Variants in HIF1AN observed in about 807,000 individuals in gnomAD.
HIF1AN encodes hypoxia inducible factor 1 subunit alpha inhibitor, also known as hypoxia-inducible factor 1-alpha inhibitor.
A neutral mutation model predicts 47.7 loss-of-function variants in HIF1AN; 21 were observed. The observed-to-expected ratio is 0.44, with a 90% CI of 0.31 to 0.63. The LOEUF (loss-of-function observed/expected upper bound fraction) is 0.63, where lower values mean the gene tolerates loss of function less well. Ranked by LOEUF, HIF1AN falls within the 30% of genes least tolerant of loss-of-function variation. The pLI is 0.07. For synonymous variants in HIF1AN, 152 were observed against 155.9 expected, an observed-to-expected ratio of 0.98 and a Z score of 0.18; for missense variants, 320 against 432.7, an observed-to-expected ratio of 0.74 and a Z score of 2.31.
At chr10:100,536,246 T>G in intron 1 of HIF1AN, 111 bp downstream of exon 1, 1 of 1,292,480 alleles carries the variant, frequency 7.7e-7, no homozygotes, top group Non-Finnish European at 1.1e-6. Context: ...CTAGGGCCTA[T>G]GGGAAGATGG....
intron 5 of HIF1AN, 97 bp downstream of exon 5, chr10:100,546,146 G>A (rs909839011): frequency 3.0e-5 from 26 of 857,744 alleles, no homozygotes; most frequent in African/African-American, 2.2e-4. Flanking sequence ...GGCATGATTG[G>A]TTTTATGTGG....
chr10:100,542,502 C>T (rs1004649822), intron 3 of HIF1AN, among the ~76,000 whole-genome samples: 12 of 152,004 alleles, frequency 7.9e-5, no homozygotes, highest in African/African-American at 2.9e-4. Context: ...TACGGGCGCC[C>T]GCCACCACAC....
intron 2 of HIF1AN, among the ~76,000 whole-genome samples, chr10:100,539,221 C>T (rs1842992746): frequency 1.3e-5 from 2 of 152,136 alleles, no homozygotes; most frequent in Non-Finnish European, 2.9e-5. Flanking sequence ...CGTGAGACAC[C>T]GCACCTGGCC....
rs967582035 is a variant in HIF1AN, at chr10:100,548,729, AAG to A, written c.*597_*598del. The A allele has an allele frequency of 2.0e-5, 3 of 152,756 alleles. No individual in the cohort carries two copies. Among genetic ancestry groups the A allele is most frequent in the South Asian group, 2.1e-4 (1 of 4,832 alleles). 9.5% of individuals were successfully genotyped at this position (152,756 alleles called of 1,614,324 possible). Reference sequence around the variant, plus strand: ...GGCTACCGGGACTCTAATGGGGTGAAAGAGAGGGGAGGCTTGCCTTTGAGAGC... The same window carrying A: ...GGCTACCGGGACTCTAATGGGGTGAAAGAGGGGAGGCTTGCCTTTGAGAGC... On this transcript the variant is annotated 3_prime_UTR_variant, in exon 8 of 8. Transcript: ENST00000299163.
rs1843185063 is a variant in HIF1AN at position 100,553,446 on chromosome 10, C to T, written c.*5309C>T. On this transcript the variant is annotated 3_prime_UTR_variant, in exon 8 of 8. Coordinates refer to ENST00000299163, the MANE Select transcript of HIF1AN (RefSeq NM_017902.3). ...GTAGTCAGATGTCAGGAGTAGAGAT[C>T]TTAATGAGAAAGGCCCTGGCAGCTG... 6.6e-6 allele frequency: 1 copy of T among 152,166 alleles called. No individual in the cohort carries two copies. The highest frequency in any genetic ancestry group is 2.1e-4 in the South Asian group (1 of 4,826). 9.4% of individuals were successfully genotyped at this position (152,166 alleles called of 1,614,324 possible).
intron 2 of HIF1AN, 68 bp from the exon 3 acceptor site, chr10:100,540,566 A>G (rs976535742): frequency 3.8e-6 from 6 of 1,566,074 alleles, no homozygotes; most frequent in Non-Finnish European, 4.3e-6. Flanking sequence ...GGATTTTCAG[A>G]TGTGGAGAGG....
rs973097788 is a variant in HIF1AN at position 100,555,193 on chromosome 10, G to A, written c.*7056G>A. The A allele has an allele frequency of 2.6e-5, 4 of 152,172 alleles. No individual in the cohort carries two copies. Among genetic ancestry groups the A allele is most frequent in the African/African-American group, 9.7e-5 (4 of 41,422 alleles). The allele number at this position is 152,172 out of a possible 1,614,324, so 9.4% of individuals were successfully genotyped here. On this transcript the variant is annotated 3_prime_UTR_variant, in exon 8 of 8. Coordinates refer to ENST00000299163, the MANE Select transcript of HIF1AN (RefSeq NM_017902.3). Reference sequence around the variant, plus strand: ...CTTCCCAATGCCTAAGGGTTTTGTCGTACCTTACTCCAGGGAATGGGTGAG... The same window carrying A: ...CTTCCCAATGCCTAAGGGTTTTGTCATACCTTACTCCAGGGAATGGGTGAG...
intron 2 of HIF1AN, among the ~76,000 whole-genome samples, chr10:100,538,310 G>A (rs1344694580): frequency 6.6e-6 from 1 of 152,154 alleles, no homozygotes; most frequent in Admixed American, 6.5e-5. Context: ...ACAGGTTGTG[G>A]CGACTATGGG....
intron 6 of HIF1AN, 58 bp from the exon 7 acceptor site, chr10:100,547,082 A>AC: frequency 8.2e-7 from 1 of 1,220,802 alleles, no homozygotes; most frequent in East Asian, 2.4e-5. Context: ...TAAGAACAGT[A>AC]GAGTGACACT....
rs1852223678 is a variant in HIF1AN at position 100,536,505 on chromosome 10, C to G, written c.272C>G (p.Ser91Cys). 6.2e-7 allele frequency: 1 copy of G among 1,614,156 alleles called. No homozygotes were observed. The highest frequency in any genetic ancestry group is 8.5e-7 in the Non-Finnish European group (1 of 1,180,036). Reference protein sequence around the residue: ...LQENIGNGDFSVYSASTHKFL... With the variant: ...LQENIGNGDFCVYSASTHKFL... The stretch of plus-strand genomic sequence containing the variant: ...GAGAATATTGGCAATGGAGACTTCT[C>G]TGTGTACAGTGCCAGCACCCACAAG... Residue 91 changes from serine to cysteine, a missense_variant, in exon 2 of 8, where the codon TCT (serine) becomes TGT (cysteine). Transcript: ENST00000299163.
At chr10:100,544,858 G>A (rs1205479170) in intron 3 of HIF1AN, 93 bp from the exon 4 acceptor site, 7 of 1,190,740 alleles carry the variant, frequency 5.9e-6, no homozygotes, top group South Asian at 1.5e-5. Context: ...AGCTGGGAGG[G>A]CAGGCTGGGT....
Position 100,545,017 on chromosome 10 carries a change from G to A in HIF1AN, c.644G>A (p.Arg215Gln). ...TTTGCTCAGATAAAAGGTTACAAAC[G>A]ATGCATCTTATTCCCTCCGGATCAG... ...NFFAQIKGYK[R>Q]CILFPPDQFE... The change falls in exon 4 of 8, where the codon CGA (arginine) becomes CAA (glutamine). Residue 215 changes from arginine (R) to glutamine (Q), a missense_variant. Physicochemically the swap from Arg to Gln is conservative, Grantham distance 43. Around this residue, in one of 2 missense-constraint regions of HIF1AN, gnomAD observed 161 missense variants for 272.8 expected, o/e 0.59. Coordinates refer to ENST00000299163, the MANE Select transcript of HIF1AN (RefSeq NM_017902.3). The A allele has an allele frequency of 1.9e-6, 3 of 1,614,168 alleles. No individual in the cohort carries two copies. The highest frequency in any genetic ancestry group is 1.1e-5 in the South Asian group (1 of 91,084).
At chr10:100,537,894 T>A (rs1453662687) in intron 2 of HIF1AN, among the ~76,000 whole-genome samples, 2 of 152,234 alleles carry the variant, frequency 1.3e-5, no homozygotes, top group South Asian at 2.1e-4. Flanking sequence ...TTCCAAGATA[T>A]GAACTGTGGT....
rs1843173496 is a variant in HIF1AN, at chr10:100,552,538, C to T, written c.*4401C>T. The T allele has an allele frequency of 6.6e-6, 1 of 152,412 alleles. No individual in the cohort carries two copies. Among genetic ancestry groups the T allele is most frequent in the South Asian group, 2.1e-4 (1 of 4,830 alleles). 9.4% of individuals were successfully genotyped at this position (152,412 alleles called of 1,614,324 possible). A position where few individuals can be genotyped will look rare whatever the true frequency, so the allele number is the denominator to read the frequency against. ...TGTCTTCCACTGCCTGCATACTTCTCTGATGTCTTCTCAAACTGTTGGCTC... is the reference window on the plus strand; with the variant it reads ...TGTCTTCCACTGCCTGCATACTTCTTTGATGTCTTCTCAAACTGTTGGCTC... On this transcript the variant is annotated 3_prime_UTR_variant, in exon 8 of 8. Transcript: ENST00000299163.
Position 100,545,994 on chromosome 10 carries a change from G to A in HIF1AN, c.775G>A (p.Val259Ile). The A allele has an allele frequency of 6.2e-7, 1 of 1,614,014 alleles. No homozygotes were observed. Among genetic ancestry groups the A allele is most frequent in the Non-Finnish European group, 8.5e-7 (1 of 1,179,992 alleles). The stretch of plus-strand genomic sequence containing the variant: ...GAGGTTCCCTAATTTCCAAAATGTG[G>A]TTGGTTACGAAACAGTGGTTGGCCC... ...YERFPNFQNV[V>I]GYETVVGPGD... Residue 259 changes from valine (V) to isoleucine (I), a missense_variant, in exon 5 of 8, where the codon GTT becomes ATT. Val to Ile is a conservative substitution (Grantham distance 29). Around this residue, in one of 2 missense-constraint regions of HIF1AN, gnomAD observed 161 missense variants for 272.8 expected, o/e 0.59. Coordinates refer to ENST00000299163, the MANE Select transcript of HIF1AN (RefSeq NM_017902.3).
intron 3 of HIF1AN, among the ~76,000 whole-genome samples, chr10:100,542,393 G>A (rs988082562): frequency 1.2e-4 from 18 of 151,788 alleles, no homozygotes; most frequent in East Asian, 5.8e-4. Flanking sequence ...TCGCTCTGTC[G>A]CCCAGGCTGG....
intron 3 of HIF1AN, among the ~76,000 whole-genome samples, chr10:100,542,895 A>T (rs1198918922): frequency 1.7e-5 from 2 of 116,622 alleles, no homozygotes; most frequent in Non-Finnish European, 3.3e-5. Context: ...AGAGGCCCTT[A>T]AACTCCACTC....
chr10:100,549,633 G>A lies in HIF1AN; in HGVS notation c.*1496G>A, dbSNP rs946916393. On this transcript the variant is annotated 3_prime_UTR_variant, in exon 8 of 8. Transcript: ENST00000299163. ...GGGCCATCATTCACATCTATTCAGT[G>A]GGAGTGGGGTCCCTGGGATTGGGCA... 1 of 152,340 alleles carries A rather than the reference G, an allele frequency of 6.6e-6. No individual in the cohort carries two copies. The highest frequency in any genetic ancestry group is 1.5e-5 in the Non-Finnish European group (1 of 68,140). 9.4% of individuals were successfully genotyped at this position (152,340 alleles called of 1,614,324 possible).
intron 2 of HIF1AN, 45 bp downstream of exon 2, chr10:100,536,706 T>C: frequency 1.2e-6 from 2 of 1,605,916 alleles, no homozygotes; most frequent in Middle Eastern, 1.7e-4. Context: ...AGGACACTCA[T>C]TTTTCTTTCC....
Sources: allele counts gnomAD v4.1 joint callset (sites outside exome capture counted in the v4.1 genomes callset), GRCh38; gene constraint gnomAD v4.1.1; regional missense constraint gnomAD v4.1.1; transcripts MANE v1.5; gene names NCBI Gene and HGNC (gene_info 2026-07-23, HGNC 2026-07-21).